The following CNTN5 variants were observed in gnomAD, a reference collection of about 807,000 sequenced individuals.
CNTN5 encodes contactin-5.
Under a neutral mutation model 129.1 loss-of-function variants are expected in CNTN5, and 77 were observed. The observed-to-expected ratio is 0.60, with a 90% confidence interval of 0.50 to 0.72. CNTN5 has a LOEUF of 0.72. Ranked by LOEUF, CNTN5 falls within the 30% of genes least tolerant of loss-of-function variation. CNTN5 has a pLI of 0.00. For missense variants in CNTN5, 1,478 were observed against 1,328.8 expected, an observed-to-expected ratio of 1.11 and a Z score of -1.75; for synonymous variants, 509 against 465.6, an observed-to-expected ratio of 1.09 and a Z score of -1.20.
intron 1 of CNTN5, among the ~76,000 whole-genome samples, chr11:99,262,673 T>C (rs1434699266): frequency 1.3e-5 from 2 of 151,884 alleles, no homozygotes; most frequent in Non-Finnish European, 1.5e-5. Context: ...CCAAGTGAAG[T>C]TTATTTATAT....
intron 1 of CNTN5, among the ~76,000 whole-genome samples, chr11:99,099,961 G>A (rs189741527): frequency 1.3e-5 from 2 of 152,152 alleles, no homozygotes; most frequent in African/African-American, 4.8e-5. Flanking sequence ...GACAGATTTG[G>A]TTGAAATCAT....
intron 2 of CNTN5, among the ~76,000 whole-genome samples, chr11:99,550,749 AGAT>A (rs1292758532): frequency 1.3e-5 from 2 of 152,206 alleles, no homozygotes; most frequent in Admixed American, 6.6e-5. Context: ...CTCAGAATAT[AGAT>A]GATATTAACA....
At chr11:99,218,430 C>T (rs1288224385) in intron 1 of CNTN5, among the ~76,000 whole-genome samples, 1 of 152,124 alleles carries the variant, frequency 6.6e-6, no homozygotes, top group Non-Finnish European at 1.5e-5. Context: ...TCTAGAAACA[C>T]ACCTTCAGCC....
At chr11:100,326,793 G>C (rs1224630276) in intron 21 of CNTN5, among the ~76,000 whole-genome samples, 2 of 152,212 alleles carry the variant, frequency 1.3e-5, no homozygotes, top group Admixed American at 1.3e-4. Context: ...CTTTAAAGAA[G>C]TGGCCAAGGA....
intron 23 of CNTN5, among the ~76,000 whole-genome samples, chr11:100,349,442 C>G (rs985001251): frequency 1.3e-5 from 2 of 151,712 alleles, no homozygotes; most frequent in Non-Finnish European, 2.9e-5. Context: ...TATCATACAC[C>G]AGGTCCTGTG....
intron 1 of CNTN5, among the ~76,000 whole-genome samples, chr11:99,116,254 GCATTTTCCACAATAATATTTTATAT>G (rs1349602611): frequency 6.6e-6 from 1 of 151,924 alleles, no homozygotes; most frequent in Non-Finnish European, 1.5e-5. Flanking sequence ...ATTTGTTGTG[GCATTTTCCACAATAATATTTTATAT>G]CGATTTCCCC....
chr11:99,168,656 C>A (rs1163812429), intron 1 of CNTN5, among the ~76,000 whole-genome samples: 2 of 151,990 alleles, frequency 1.3e-5, no homozygotes, highest in Non-Finnish European at 2.9e-5. Context: ...TCGTAACTAC[C>A]TTTGATAAGA....
At chr11:99,515,350 G>A (rs1157950715) in intron 2 of CNTN5, among the ~76,000 whole-genome samples, 1 of 151,972 alleles carries the variant, frequency 6.6e-6, no homozygotes, top group Non-Finnish European at 1.5e-5. Flanking sequence ...TGAAATTCCT[G>A]CTAGAGAAAA....
intron 3 of CNTN5, among the ~76,000 whole-genome samples, chr11:99,782,083 G>T (rs898477583): frequency 2.5e-4 from 38 of 151,096 alleles, no homozygotes; most frequent in East Asian, 1.4e-3. Context: ...AAACCCCATC[G>T]TCTCAGCCCA....
At chr11:99,682,940 A>G (rs556613924) in intron 3 of CNTN5, among the ~76,000 whole-genome samples, 3 of 152,050 alleles carry the variant, frequency 2.0e-5, no homozygotes, top group Admixed American at 6.5e-5. Context: ...TACAGAACAT[A>G]AACTTCAGTT....
chr11:99,566,393 CT>C (rs1414558821), intron 3 of CNTN5, among the ~76,000 whole-genome samples: 1 of 152,146 alleles, frequency 6.6e-6, no homozygotes, highest in Non-Finnish European at 1.5e-5. Flanking sequence ...AATTATCTAG[CT>C]TCAGATATTT....
chr11:100,249,467 A>G (rs995210442), intron 16 of CNTN5, among the ~76,000 whole-genome samples: 4 of 152,158 alleles, frequency 2.6e-5, no homozygotes, highest in African/African-American at 9.7e-5. Flanking sequence ...AAAATTGACT[A>G]TTTCCAAATA....
At chr11:100,027,799 G>T (rs1051098128) in intron 9 of CNTN5, among the ~76,000 whole-genome samples, 8 of 152,124 alleles carry the variant, frequency 5.3e-5, no homozygotes, top group Admixed American at 2.0e-4. Context: ...GAGCAAGCTT[G>T]GGCAGTTGTA....
chr11:99,358,752 G>T (rs1422299153), intron 2 of CNTN5, among the ~76,000 whole-genome samples: 2 of 151,906 alleles, frequency 1.3e-5, no homozygotes, highest in East Asian at 3.9e-4. Context: ...ATTATATATG[G>T]CTACATAGAA....
intron 18 of CNTN5, 145 bp from the exon 19 acceptor site, chr11:100,297,480 C>A: frequency 3.1e-6 from 2 of 653,878 alleles, no homozygotes; most frequent in Non-Finnish European, 5.6e-6. Context: ...GATTTGAAAG[C>A]AGGGTGTTTC....
At chr11:99,568,949 G>A (rs1034233526) in intron 3 of CNTN5, among the ~76,000 whole-genome samples, 7 of 151,788 alleles carry the variant, frequency 4.6e-5, no homozygotes, top group Non-Finnish European at 5.9e-5. Context: ...TCTAATTTTC[G>A]TTATAGCTTT....
intron 13 of CNTN5, among the ~76,000 whole-genome samples, chr11:100,102,748 C>T (rs1225562152): frequency 6.6e-6 from 1 of 151,972 alleles, no homozygotes; most frequent in East Asian, 1.9e-4. Context: ...CTATAAAAAC[C>T]TCAGGACTGT....
At position 100,139,514 on chromosome 11, in the gene CNTN5, C is replaced by T. The variant is rs1264877634; in HGVS notation, c.1581-51612C>T. ...ACATAGAATTCAGTGGTAACCTTGA[C>T]AGGAGCAGGCGCAGTAAGCCAGGGA... On this transcript the variant is annotated intron_variant, in intron 13 of 24. Transcript: ENST00000524871. Among the ~76,000 whole-genome samples, 6 of 152,210 alleles carry T rather than the reference C, an allele frequency of 3.9e-5. No individual in the cohort carries two copies. The East Asian group carries it at 1.2e-3, about 29-fold the overall frequency.
chr11:99,523,688 A>G (rs538263656), intron 2 of CNTN5, among the ~76,000 whole-genome samples: 66 of 83,522 alleles, frequency 7.9e-4, no homozygotes, highest in African/African-American at 3.2e-3. Context: ...ACAGAACAGA[A>G]CAGAACAGAA....
Sources: allele counts gnomAD v4.1 joint callset (sites outside exome capture counted in the v4.1 genomes callset), GRCh38; gene constraint gnomAD v4.1.1; transcripts MANE v1.5; gene names NCBI Gene and HGNC (gene_info 2026-07-23, HGNC 2026-07-21).